Variants in KCNK2 observed in about 807,000 individuals in gnomAD.
The protein encoded by KCNK2 is potassium two pore domain channel subfamily K member 2.
In KCNK2, 21 loss-of-function variants were observed where a neutral mutation model predicts 40.5. The observed-to-expected ratio is 0.52, with a 90% CI of 0.37 to 0.75. KCNK2 has a LOEUF of 0.75. Ranked by LOEUF, KCNK2 falls within the 30% of genes least tolerant of loss-of-function variation. KCNK2 has a pLI of 0.00. For missense variants in KCNK2, 399 were observed against 531.6 expected, an observed-to-expected ratio of 0.75 and a Z score of 2.45; for synonymous variants, 191 against 202.2, an observed-to-expected ratio of 0.94 and a Z score of 0.47.
intron 1 of KCNK2, among the ~76,000 whole-genome samples, chr1:215,062,970 T>A (rs1658409000): frequency 6.6e-6 from 1 of 152,008 alleles, no homozygotes; most frequent in Non-Finnish European, 1.5e-5. Context: ...ATGAAAAGGA[T>A]AAACTTGGGT....
chr1:215,038,814 T>G (rs537257017), intron 1 of KCNK2, among the ~76,000 whole-genome samples: 1 of 152,254 alleles, frequency 6.6e-6, no homozygotes, highest in African/African-American at 2.4e-5. Context: ...TTCCCAGCAC[T>G]TCTGCTTTTT....
intron 1 of KCNK2, among the ~76,000 whole-genome samples, chr1:215,031,012 A>G (rs1042904944): frequency 9.2e-5 from 14 of 151,816 alleles, no homozygotes; most frequent in African/African-American, 3.1e-4. Flanking sequence ...TTTTTTCTCC[A>G]TTGTATTTCC....
chr1:215,230,091 A>G (rs1482193189), intron 6 of KCNK2, among the ~76,000 whole-genome samples: 85 of 29,596 alleles, frequency 2.9e-3, no homozygotes, highest in African/African-American at 6.7e-3. Context: ...GTGTGTGTGT[A>G]TACACACACA....
chr1:215,232,203 A>G (rs1467681036), intron 6 of KCNK2, among the ~76,000 whole-genome samples: 1 of 152,208 alleles, frequency 6.6e-6, no homozygotes, highest in East Asian at 1.9e-4. Flanking sequence ...ATGTTCATCA[A>G]TAGGGGAATG....
intron 1 of KCNK2, among the ~76,000 whole-genome samples, chr1:215,007,141 A>ATG (rs558312727): frequency 0.042 from 4,688 of 111,798 alleles, 308 homozygotes; most frequent in African/African-American, 0.075. Flanking sequence ...GTGTATATAT[A>ATG]TGTGTATATA....
intron 3 of KCNK2, among the ~76,000 whole-genome samples, chr1:215,144,752 T>C (rs1662339487): frequency 6.6e-6 from 1 of 152,162 alleles, no homozygotes; most frequent in African/African-American, 2.4e-5. Context: ...GTGGTTTATA[T>C]TGTGAATATA....
At chr1:215,202,218 C>T (rs1295378568) in intron 6 of KCNK2, among the ~76,000 whole-genome samples, 2 of 152,126 alleles carry the variant, frequency 1.3e-5, no homozygotes, top group Non-Finnish European at 2.9e-5. Flanking sequence ...CTAAGGAATA[C>T]ACAAAAGACC....
At chr1:215,207,763 T>C (rs75022734) in intron 6 of KCNK2, among the ~76,000 whole-genome samples, 381 of 152,088 alleles carry the variant, frequency 2.5e-3, no homozygotes, top group African/African-American at 8.8e-3. Context: ...CACAAGCATA[T>C]GGAAAAAAAG....
chr1:215,209,890 A>G (rs1246011748), intron 6 of KCNK2, among the ~76,000 whole-genome samples: 7 of 73,754 alleles, frequency 9.5e-5, no homozygotes, highest in Middle Eastern at 5.3e-3. Context: ...TAGTCAGACT[A>G]TACTGACTTT....
chr1:215,026,014 T>C lies in KCNK2; in HGVS notation c.34+20059T>C, dbSNP rs1571855058. 2.0e-5 allele frequency among the ~76,000 whole-genome samples: 3 copies of C among 152,196 alleles called. No homozygotes were observed. In the South Asian group the frequency reaches 6.2e-4, roughly 32 times the overall value. On this transcript the variant is annotated intron_variant, in intron 1 of 6. Transcript: ENST00000391895. Reference sequence around the variant, plus strand: ...TTGTTCCACATATCCCTACCAACAGTGTTATCATTATTTAAAATTTGTGTT... The same window carrying C: ...TTGTTCCACATATCCCTACCAACAGCGTTATCATTATTTAAAATTTGTGTT...
At chr1:215,062,776 A>T (rs74140901) in intron 1 of KCNK2, among the ~76,000 whole-genome samples, 13,393 of 151,764 alleles carry the variant, frequency 0.088, 1,739 homozygotes, top group African/African-American at 0.28. Flanking sequence ...GGTATTTTTA[A>T]TTTTTGCTGA....
At chr1:215,037,245 G>T (rs1657419987) in intron 1 of KCNK2, among the ~76,000 whole-genome samples, 1 of 151,768 alleles carries the variant, frequency 6.6e-6, no homozygotes, top group Non-Finnish European at 1.5e-5. Flanking sequence ...GATTAAGAAT[G>T]ATTGGTGAAA....
intron 6 of KCNK2, among the ~76,000 whole-genome samples, chr1:215,200,573 G>T (rs1275253880): frequency 6.6e-6 from 1 of 152,040 alleles, no homozygotes; most frequent in African/African-American, 2.4e-5. Context: ...TTTTAAGTAA[G>T]TGGAATGAAT....
chr1:215,120,802 G>A (rs777641478), intron 2 of KCNK2, among the ~76,000 whole-genome samples: 9 of 152,072 alleles, frequency 5.9e-5, no homozygotes, highest in Non-Finnish European at 1.0e-4. Flanking sequence ...TGCTAAAATC[G>A]AACCATTTTA....
At chr1:215,198,463 C>A (rs1664957412) in intron 6 of KCNK2, among the ~76,000 whole-genome samples, 1 of 151,996 alleles carries the variant, frequency 6.6e-6, no homozygotes, top group African/African-American at 2.4e-5. Flanking sequence ...TTATCATGGC[C>A]AAAGTTTTTA....
At chr1:215,143,516 G>A (rs1386864825) in intron 3 of KCNK2, among the ~76,000 whole-genome samples, 1 of 152,122 alleles carries the variant, frequency 6.6e-6, no homozygotes, top group African/African-American at 2.4e-5. Context: ...CATATGTTAT[G>A]AAATTTCATT....
chr1:215,089,856 C>T lies in KCNK2; in HGVS notation c.357+3178C>T, dbSNP rs888365097. On this transcript the variant is annotated intron_variant, in intron 2 of 6. Transcript: ENST00000444842. The stretch of plus-strand genomic sequence containing the variant: ...TTTTTTTTATTTTGAAACAGAGTTT[C>T]GCTCTTGTTGCCCAGCCTGGAGTGC... Among the ~76,000 whole-genome samples the T allele has an allele frequency of 4.1e-4, 57 of 139,002 alleles. 1 individual carries two copies. Among genetic ancestry groups the T allele is most frequent in the African/African-American group, 1.2e-3 (45 of 37,268 alleles). The allele number at this position is 139,002 out of a possible 152,430, so 91.2% of individuals were successfully genotyped here.
chr1:215,023,716 A>G (rs1018213135), intron 1 of KCNK2, among the ~76,000 whole-genome samples: 45 of 152,358 alleles, frequency 3.0e-4, no homozygotes, highest in African/African-American at 1.1e-3. Flanking sequence ...ATGCAGAACA[A>G]TTGCACAATT....
intron 1 of KCNK2, among the ~76,000 whole-genome samples, chr1:215,024,826 T>C (rs1402790695): frequency 6.6e-6 from 1 of 152,202 alleles, no homozygotes; most frequent in Non-Finnish European, 1.5e-5. Context: ...CTTGTCTTTA[T>C]ATCCATCTCC....
Sources: allele counts gnomAD v4.1 joint callset (sites outside exome capture counted in the v4.1 genomes callset), GRCh38; gene constraint gnomAD v4.1.1; transcripts MANE v1.5; gene names NCBI Gene and HGNC (gene_info 2026-07-23, HGNC 2026-07-21).